Variants in POMZP3 observed in about 807,000 individuals in gnomAD.
The protein encoded by POMZP3 is POM121 and ZP3 fusion protein.
POMZP3 carries 10 observed loss-of-function variants against 19.8 expected under a neutral mutation model. The ratio of observed to expected loss-of-function variants is 0.51; its 90% CI spans 0.31 to 0.86. POMZP3 has a LOEUF of 0.86. POMZP3 is among the 40% of genes least tolerant of loss of function. The pLI is 0.04. For synonymous variants in POMZP3, 57 were observed against 85.8 expected, an observed-to-expected ratio of 0.66 and a Z score of 1.85; for missense variants, 152 against 228.1, an observed-to-expected ratio of 0.67 and a Z score of 2.15.
At chr7:76,625,771 A>G in intron 2 of POMZP3, 88 bp from the exon 3 acceptor site, 2 of 1,477,062 alleles carry the variant, frequency 1.4e-6, no homozygotes, top group East Asian at 2.3e-5. Context: ...CCAACAAGCC[A>G]AAGTATAATT....
rs1815879737 is a variant in POMZP3 at position 76,626,139 on chromosome 7, A to T, written c.-75T>A. 3 of 1,610,126 alleles carry T rather than the reference A, an allele frequency of 1.9e-6. No homozygotes were observed. The highest frequency in any genetic ancestry group is 2.5e-6 in the Non-Finnish European group (3 of 1,177,958). On this transcript the variant is annotated 5_prime_UTR_variant, in exon 2 of 7. Transcript: ENST00000310842. ...CACACTGTGGGAAGTACCCCCGGAC[A>T]GGAATACTGGGCCTGATGGATCGGA...
intron 3 of POMZP3, among the ~76,000 whole-genome samples, chr7:76,620,569 G>A (rs181981475): frequency 1.3e-5 from 2 of 151,590 alleles, no homozygotes; most frequent in Non-Finnish European, 2.9e-5. Flanking sequence ...CCATATTCAA[G>A]TGATTCTCCT....
In POMZP3 at chr7:76,610,140, C is replaced by T; in HGVS notation, c.*87G>A. 2.5e-6 allele frequency: 4 copies of T among 1,587,002 alleles called. No homozygotes were observed. The highest frequency in any genetic ancestry group is 3.4e-6 in the Non-Finnish European group (4 of 1,165,412). ...CACTGAGGTGTCAGAAGGCAAAGCC[C>T]ACTGCTCTACTTCATGGTCACCCCT... is the stretch of plus-strand genomic sequence containing the variant. On this transcript the variant is annotated 3_prime_UTR_variant, in exon 7 of 7. Coordinates refer to ENST00000310842, the MANE Select transcript of POMZP3 (RefSeq NM_012230.5).
intron 3 of POMZP3, among the ~76,000 whole-genome samples, chr7:76,622,365 C>A (rs1198357812): frequency 7.6e-6 from 1 of 130,916 alleles, no homozygotes; most frequent in Non-Finnish European, 1.6e-5. Context: ...GTAACACTAT[C>A]ATTCTCAAGT....
intron 6 of POMZP3, among the ~76,000 whole-genome samples, 165 bp downstream of exon 6, chr7:76,611,289 C>T (rs534284084): frequency 2.0e-5 from 3 of 151,764 alleles, no homozygotes; most frequent in African/African-American, 4.8e-5. Flanking sequence ...TGAGAGCCCC[C>T]TCCTGCTTAA....
chr7:76,617,264 C>T (rs1815319737), intron 4 of POMZP3, among the ~76,000 whole-genome samples: 1 of 83,972 alleles, frequency 1.2e-5, no homozygotes. Flanking sequence ...CCGCACCAGG[C>T]AATTTACTTC....
At chr7:76,617,232 C>T (rs1194647661) in intron 4 of POMZP3, among the ~76,000 whole-genome samples, 1 of 83,924 alleles carries the variant, frequency 1.2e-5, no homozygotes, top group Non-Finnish European at 2.3e-5. Flanking sequence ...TCCCAAAGTG[C>T]TGGGATTATG....
intron 3 of POMZP3, among the ~76,000 whole-genome samples, chr7:76,624,621 T>C (rs1461995719): frequency 6.7e-6 from 1 of 150,156 alleles, no homozygotes; most frequent in African/African-American, 2.4e-5. Flanking sequence ...AATTTTTGTA[T>C]TTTTAGTAGA....
In POMZP3 at chr7:76,617,168, G is replaced by A. The variant is rs1318662671; in HGVS notation, c.345+1015C>T. Among the ~76,000 whole-genome samples the A allele has an allele frequency of 2.2e-5, 2 of 89,484 alleles. 1 individual carries two copies. The highest frequency in any genetic ancestry group is 9.9e-5 in the African/African-American group (2 of 20,302). The allele number at this position is 89,484 out of a possible 152,430, so 58.7% of individuals were successfully genotyped here. A position where few individuals can be genotyped will look rare whatever the true frequency, so the allele number is the denominator to read the frequency against. ...TATTTTTAGTAGAGGGGGTTTCACCGTGTTAACCAGGATGGTCTCAATCTC... is the reference window on the plus strand; with the variant it reads ...TATTTTTAGTAGAGGGGGTTTCACCATGTTAACCAGGATGGTCTCAATCTC... On this transcript the variant is annotated intron_variant, in intron 4 of 6. Transcript: ENST00000310842.
rs1259511482 is a variant in POMZP3 at position 76,611,516 on chromosome 7, G to A, written c.513C>T (p.Ser171=). ...NKGDCGTPSH[S]RRQPRVVSQW... is the part of the protein sequence containing the mutation. ...GGCTCACGACACGAGGCTGCCTCCT[G>A]GAATGGCTTGGAGTGCCACAGTCAC... is the stretch of plus-strand genomic sequence containing the variant. Residue 171 remains serine (S), a synonymous_variant, in exon 6 of 7, where the codon TCC becomes TCT. Coordinates refer to ENST00000310842, the MANE Select transcript of POMZP3 (RefSeq NM_012230.5). 3.1e-6 allele frequency: 5 copies of A among 1,605,152 alleles called. 1 individual carries two copies. The highest frequency in any genetic ancestry group is 4.3e-6 in the Non-Finnish European group (5 of 1,172,590).
In POMZP3 at chr7:76,615,319, C is replaced by T. The variant is rs1336353143; in HGVS notation, c.345+2864G>A. Among the ~76,000 whole-genome samples the T allele has an allele frequency of 3.1e-5, 3 of 95,666 alleles. 1 individual carries two copies. Among genetic ancestry groups the T allele is most frequent in the Admixed American group, 9.9e-5 (1 of 10,132 alleles). The allele number at this position is 95,666 out of a possible 152,430, so 62.8% of individuals were successfully genotyped here. On this transcript the variant is annotated intron_variant, in intron 4 of 6. Coordinates refer to ENST00000310842, the MANE Select transcript of POMZP3 (RefSeq NM_012230.5). ...AGGATCCTCTCCCCTAAGGAGCTAT[C>T]GGTCACTGATCCGAGGGCCAGGACT...
intron 6 of POMZP3, among the ~76,000 whole-genome samples, chr7:76,610,822 G>C (rs1304091018): frequency 1.3e-5 from 2 of 150,506 alleles, no homozygotes; most frequent in Non-Finnish European, 3.0e-5. Context: ...CCTGGCCTCA[G>C]CCTCCCCAAG....
At chr7:76,626,323 C>G in intron 1 of POMZP3, 108 bp from the exon 2 acceptor site, 3 of 1,135,866 alleles carry the variant, frequency 2.6e-6, no homozygotes, top group Non-Finnish European at 3.7e-6. Context: ...ACTTAAGTCT[C>G]TTTCTACGCA....
chr7:76,620,861 A>ATTTTTTTTTTTT lies in POMZP3; in HGVS notation c.228-2573_228-2562dup, dbSNP rs56084078. 1.7e-4 allele frequency among the ~76,000 whole-genome samples: 13 copies of ATTTTTTTTTTTT among 76,198 alleles called. 1 individual carries two copies. In the South Asian group the frequency reaches 6.0e-3, roughly 35 times the overall value. The allele number at this position is 76,198 out of a possible 152,430, so 50.0% of individuals were successfully genotyped here. A position where few individuals can be genotyped will look rare whatever the true frequency, so the allele number is the denominator to read the frequency against. On this transcript the variant is annotated intron_variant, in intron 3 of 6. Transcript: ENST00000310842. ...GTTTACTCCTCAGGGCTGTAAAGCC[A>ATTTTTTTTTTTT]TTTTTTTTTTTTTTTTTTTTTTTTT...
At chr7:76,620,185 G>A (rs202168993) in intron 3 of POMZP3, among the ~76,000 whole-genome samples, 4,879 of 78,774 alleles carry the variant, frequency 0.062, 189 homozygotes, top group South Asian at 0.11. Context: ...AAAATTAGCC[G>A]GGCATGGTGG....
chr7:76,620,860 C>CTTT lies in POMZP3; in HGVS notation c.228-2561_228-2560insAAA, dbSNP rs752303123. On this transcript the variant is annotated intron_variant, in intron 3 of 6. Coordinates refer to ENST00000310842, the MANE Select transcript of POMZP3 (RefSeq NM_012230.5). ...GGTTTACTCCTCAGGGCTGTAAAGCCATTTTTTTTTTTTTTTTTTTTTTTT... is the reference window on the plus strand; with the variant it reads ...GGTTTACTCCTCAGGGCTGTAAAGCCTTTATTTTTTTTTTTTTTTTTTTTTTTT... Among the ~76,000 whole-genome samples, 39 of 100,258 alleles carry CTTT rather than the reference C, an allele frequency of 3.9e-4. 2 individuals are homozygous for CTTT. Among genetic ancestry groups the CTTT allele is most frequent in the Admixed American group, 6.9e-4 (6 of 8,726 alleles). 65.8% of individuals were successfully genotyped at this position (100,258 alleles called of 152,430 possible). A position where few individuals can be genotyped will look rare whatever the true frequency, so the allele number is the denominator to read the frequency against.
rs1339118444 is a variant in POMZP3, at chr7:76,611,471, G to A, written c.558C>T (p.Ser186=). 1 of 1,600,364 alleles carries A rather than the reference G, an allele frequency of 6.2e-7. No homozygotes were observed. Among genetic ancestry groups the A allele is most frequent in the Non-Finnish European group, 8.5e-7 (1 of 1,170,448 alleles). ...RVVSQWSTSA[S]L ...TGACATACCATGCCTGCGGTTACAG[G>A]GAAGCAGACGTGGACCACTGGCTCA... The change falls in exon 6 of 7, where the codon TCC becomes TCT. Residue 186 remains serine (S), a synonymous_variant. Coordinates refer to ENST00000310842, the MANE Select transcript of POMZP3 (RefSeq NM_012230.5).
Position 76,611,453 on chromosome 7 carries a change from C to T in POMZP3, c.*11+1G>A. 6.5e-7 allele frequency: 1 copy of T among 1,548,590 alleles called. No homozygotes were observed. The highest frequency in any genetic ancestry group is 1.1e-5 in the South Asian group (1 of 87,920). Reference sequence around the variant, plus strand: ...AGCCTCTTGGCCATTCTATGACATACCATGCCTGCGGTTACAGGGAAGCAG... The same window carrying T: ...AGCCTCTTGGCCATTCTATGACATATCATGCCTGCGGTTACAGGGAAGCAG... On this transcript the variant is annotated splice_donor_variant, in intron 6 of 6. Transcript: ENST00000310842. LOFTEE classifies it low-confidence loss of function (3UTR_SPLICE).
At chr7:76,619,855 C>CA (rs1240349332) in intron 3 of POMZP3, among the ~76,000 whole-genome samples, 1 of 93,432 alleles carries the variant, frequency 1.1e-5, no homozygotes. Context: ...CCCATCTCTA[C>CA]AAAAAATAAA....
Sources: allele counts gnomAD v4.1 joint callset (sites outside exome capture counted in the v4.1 genomes callset), GRCh38; gene constraint gnomAD v4.1.1; transcripts MANE v1.5; gene names NCBI Gene and HGNC (gene_info 2026-07-23, HGNC 2026-07-21).